The following ANTXR1 variants were observed in gnomAD, a reference collection of about 807,000 sequenced individuals.
ANTXR1 encodes ANTXR cell adhesion molecule 1.
Under a neutral mutation model 78.1 loss-of-function variants are expected in ANTXR1, and 19 were observed. The ratio of observed to expected loss-of-function variants is 0.24; its 90% confidence interval spans 0.17 to 0.36. ANTXR1 has a LOEUF of 0.36. ANTXR1 is among the 10% of genes least tolerant of loss of function. The pLI, the probability that ANTXR1 is intolerant of heterozygous loss-of-function variation, is 1.00. For missense variants in ANTXR1, 518 were observed against 718.6 expected (o/e 0.72, Z 3.19); for synonymous variants, 273 against 260.5 (o/e 1.05, Z -0.46).
At chr2:69,026,798 G>A (rs1671357752) in intron 1 of ANTXR1, among the ~76,000 whole-genome samples, 1 of 152,192 alleles carries the variant, frequency 6.6e-6, no homozygotes, top group Non-Finnish European at 1.5e-5. Context: ...AGCATAAACA[G>A]TTAGCTTCTC....
At chr2:69,083,346 C>T (rs1253852415) in intron 8 of ANTXR1, among the ~76,000 whole-genome samples, 1 of 152,208 alleles carries the variant, frequency 6.6e-6, no homozygotes, top group African/African-American at 2.4e-5. Context: ...TCTCATAAAT[C>T]AGGCTTGTTG....
chr2:69,028,340 G>T (rs893702995), intron 1 of ANTXR1, among the ~76,000 whole-genome samples: 2 of 152,056 alleles, frequency 1.3e-5, no homozygotes, highest in African/African-American at 4.8e-5. Flanking sequence ...TTTATAAGTG[G>T]GAAGAAAACA....
At chr2:69,178,726 A>G (rs1218174131) in intron 14 of ANTXR1, among the ~76,000 whole-genome samples, 1 of 152,154 alleles carries the variant, frequency 6.6e-6, no homozygotes, top group Non-Finnish European at 1.5e-5. Context: ...TCCTTCTTTA[A>G]GTTCTTTTCG....
chr2:69,065,391 C>G (rs1295627447), intron 3 of ANTXR1, among the ~76,000 whole-genome samples: 1 of 140,734 alleles, frequency 7.1e-6, no homozygotes, highest in Admixed American at 7.3e-5. Context: ...TGCCACTGCA[C>G]TCCAGCCTGG....
intron 14 of ANTXR1, among the ~76,000 whole-genome samples, chr2:69,174,889 C>A (rs1408197873): frequency 6.6e-6 from 1 of 152,134 alleles, no homozygotes; most frequent in East Asian, 1.9e-4. Flanking sequence ...ATTATGAACC[C>A]CTACCTTATA....
intron 16 of ANTXR1, among the ~76,000 whole-genome samples, chr2:69,184,406 T>A (rs977094934): frequency 6.6e-6 from 1 of 152,226 alleles, no homozygotes; most frequent in Non-Finnish European, 1.5e-5. Context: ...TTGCTTCTAA[T>A]TATTTTCTAA....
At chr2:69,084,591 G>GTTT (rs10708895) in intron 8 of ANTXR1, among the ~76,000 whole-genome samples, 18 of 109,112 alleles carry the variant, frequency 1.6e-4, no homozygotes, top group Admixed American at 2.9e-4. Flanking sequence ...TATTTGTAAA[G>GTTT]TTTTTTTTTT....
At chr2:69,224,912 G>A (rs1675404824) in intron 17 of ANTXR1, among the ~76,000 whole-genome samples, 1 of 152,120 alleles carries the variant, frequency 6.6e-6, no homozygotes, top group African/African-American at 2.4e-5. Flanking sequence ...TGGGCTCATT[G>A]CACAGTTTGG....
chr2:69,073,109 A>G lies in ANTXR1; in HGVS notation c.492+8A>G. The G allele has an allele frequency of 6.2e-7, 1 of 1,613,888 alleles. No homozygotes were observed. The highest frequency in any genetic ancestry group is 8.5e-7 in the Non-Finnish European group (1 of 1,179,776). On this transcript the variant is annotated splice_region_variant and intron_variant, in intron 6 of 17. Transcript: ENST00000303714. ...TTCTATTCAGAGAGGGAGGTAAGCA[A>G]CGGCCTGGCTGTGTCTAAACATATA...
intron 13 of ANTXR1, among the ~76,000 whole-genome samples, chr2:69,163,061 A>G (rs1297528490): frequency 6.6e-6 from 1 of 152,206 alleles, no homozygotes; most frequent in Non-Finnish European, 1.5e-5. Flanking sequence ...TCTTAATAAA[A>G]CATACTTCAG....
At chr2:69,243,751 A>G (rs1214766463) in intron 17 of ANTXR1, among the ~76,000 whole-genome samples, 1 of 152,246 alleles carries the variant, frequency 6.6e-6, no homozygotes, top group African/African-American at 2.4e-5. Flanking sequence ...TATCTCGTTC[A>G]GGCTGGACAC....
chr2:69,202,709 G>A (rs894845103), intron 17 of ANTXR1, among the ~76,000 whole-genome samples: 1 of 152,214 alleles, frequency 6.6e-6, no homozygotes, highest in East Asian at 1.9e-4. Context: ...CCTGTGGGAA[G>A]TGATGGGCTC....
At chr2:69,047,765 G>C (rs1000848143) in intron 3 of ANTXR1, among the ~76,000 whole-genome samples, 19 of 152,114 alleles carry the variant, frequency 1.2e-4, no homozygotes, top group Admixed American at 5.9e-4. Flanking sequence ...GTAATCAGCA[G>C]GTGATATAGG....
chr2:69,030,597 T>C (rs1308044096), intron 1 of ANTXR1, among the ~76,000 whole-genome samples: 1 of 152,196 alleles, frequency 6.6e-6, no homozygotes, highest in African/African-American at 2.4e-5. Flanking sequence ...AGATAAAAAC[T>C]GTATCTCAGC....
At chr2:69,129,394 C>G (rs542374435) in intron 12 of ANTXR1, among the ~76,000 whole-genome samples, 1 of 152,260 alleles carries the variant, frequency 6.6e-6, no homozygotes, top group Non-Finnish European at 1.5e-5. Flanking sequence ...CCTACTGTGT[C>G]TCCTAGTCAC....
chr2:69,042,783 G>C (rs981691947), intron 2 of ANTXR1, among the ~76,000 whole-genome samples: 1 of 152,118 alleles, frequency 6.6e-6, no homozygotes, highest in Non-Finnish European at 1.5e-5. Flanking sequence ...ACCCAGGGAT[G>C]ACCCAGAGGA....
At chr2:69,071,977 C>CTGT (rs1243608087) in intron 5 of ANTXR1, among the ~76,000 whole-genome samples, 190 bp downstream of exon 5, 1 of 152,174 alleles carries the variant, frequency 6.6e-6, no homozygotes. Context: ...TTCCACTGTC[C>CTGT]TGTTGATGCC....
intron 10 of ANTXR1, among the ~76,000 whole-genome samples, chr2:69,117,500 A>G (rs1672186173): frequency 6.6e-6 from 1 of 152,206 alleles, no homozygotes; most frequent in Non-Finnish European, 1.5e-5. Context: ...ATGTGTGTGT[A>G]TCTATACACA....
chr2:69,152,162 C>T lies in ANTXR1; in HGVS notation c.952-7C>T, dbSNP rs773498884. The T allele has an allele frequency of 5.0e-6, 8 of 1,613,838 alleles. No homozygotes were observed. In the Admixed American group the frequency reaches 1.2e-4, roughly 24 times the overall value. Reference sequence around the variant, plus strand: ...CGCTGCTGACCGCCTCTCTCTTGGCCCTGCAGTCTGACGGTTCCATCCTGG... The same window carrying T: ...CGCTGCTGACCGCCTCTCTCTTGGCTCTGCAGTCTGACGGTTCCATCCTGG... On this transcript the variant is annotated splice_polypyrimidine_tract_variant and splice_region_variant and intron_variant, in intron 12 of 17. Transcript: ENST00000303714.
Sources: allele counts gnomAD v4.1 joint callset (sites outside exome capture counted in the v4.1 genomes callset), GRCh38; gene constraint gnomAD v4.1.1; transcripts MANE v1.5; gene names NCBI Gene and HGNC (gene_info 2026-07-23, HGNC 2026-07-21).